Variants in DUSP5 observed in about 807,000 individuals in gnomAD.
DUSP5 encodes dual specificity phosphatase 5.
A neutral mutation model predicts 33.6 loss-of-function variants in DUSP5; 22 were observed. The observed-to-expected ratio is 0.66, with a 90% CI of 0.47 to 0.94. DUSP5 has a LOEUF of 0.94. DUSP5 is among the 40% of genes least tolerant of loss of function. The pLI, the probability that DUSP5 is intolerant of heterozygous loss-of-function variation, is 0.00. For synonymous variants in DUSP5, 270 were observed against 231.1 expected, an observed-to-expected ratio of 1.17 and a Z score of -1.53; for missense variants, 551 against 522.1, an observed-to-expected ratio of 1.06 and a Z score of -0.54.
chr10:110,500,721 G>C (rs1038298442), intron 1 of DUSP5, among the ~76,000 whole-genome samples: 1 of 152,226 alleles, frequency 6.6e-6, no homozygotes, highest in Non-Finnish European at 1.5e-5. Context: ...AAAAGAAGTA[G>C]CTCTAAGAAT....
intron 1 of DUSP5, among the ~76,000 whole-genome samples, chr10:110,502,125 A>T (rs1210337504): frequency 6.6e-6 from 1 of 151,080 alleles, no homozygotes; most frequent in Non-Finnish European, 1.5e-5. Flanking sequence ...AATTAACTGG[A>T]TTGATGACTC....
At position 110,502,777 on chromosome 10, in the gene DUSP5, A is replaced by G. The variant is rs752689048; in HGVS notation, c.436A>G (p.Ile146Val). The G allele has an allele frequency of 1.2e-6, 2 of 1,614,114 alleles. No homozygotes were observed. The highest frequency in any genetic ancestry group is 1.7e-6 in the Non-Finnish European group (2 of 1,180,014). ...YPECCVDVKPISQEKIESERA... is the reference protein window; with the variant it reads ...YPECCVDVKPVSQEKIESERA... Reference sequence around the variant, plus strand: ...TGAGTGTTGCGTGGATGTAAAACCCATTTCACAAGAGAAGATTGAGAGTGA... The same window carrying G: ...TGAGTGTTGCGTGGATGTAAAACCCGTTTCACAAGAGAAGATTGAGAGTGA... The change falls in exon 2 of 4, where the codon ATT (isoleucine) becomes GTT (valine). Residue 146 changes from isoleucine (I) to valine (V), a missense_variant. Ile to Val is a conservative substitution (Grantham distance 29). Transcript: ENST00000369583.
chr10:110,504,318 G>A (rs948968759), intron 2 of DUSP5, among the ~76,000 whole-genome samples: 5 of 152,260 alleles, frequency 3.3e-5, no homozygotes, highest in Non-Finnish European at 4.4e-5. Context: ...ATTTAGAGCA[G>A]CCAGATGAGG....
chr10:110,503,569 C>T (rs1590516785), intron 2 of DUSP5: 1 of 152,146 alleles, frequency 6.6e-6, no homozygotes, highest in Non-Finnish European at 1.5e-5. Flanking sequence ...AAGGGGGTTA[C>T]GTAGCACCAT....
intron 1 of DUSP5, among the ~76,000 whole-genome samples, chr10:110,500,461 T>G (rs576496472): frequency 2.5e-4 from 38 of 152,252 alleles, no homozygotes; most frequent in Non-Finnish European, 5.0e-4. Context: ...CTTTAAATTG[T>G]TGCCAGAGAA....
chr10:110,504,593 G>T (rs1223151399), intron 2 of DUSP5, among the ~76,000 whole-genome samples: 1 of 152,174 alleles, frequency 6.6e-6, no homozygotes, highest in Non-Finnish European at 1.5e-5. Flanking sequence ...CAGTGGCCAC[G>T]TGAATCTGGA....
intron 1 of DUSP5, among the ~76,000 whole-genome samples, chr10:110,500,782 T>C (rs1860037650): frequency 6.6e-6 from 1 of 152,196 alleles, no homozygotes; most frequent in Non-Finnish European, 1.5e-5. Flanking sequence ...ATGTTCTGTC[T>C]CTCCACACCT....
intron 1 of DUSP5, among the ~76,000 whole-genome samples, chr10:110,500,911 A>G (rs1860039191): frequency 6.6e-6 from 1 of 152,224 alleles, no homozygotes; most frequent in African/African-American, 2.4e-5. Context: ...AACAGCATGC[A>G]GGATCCAGCC....
At position 110,510,031 on chromosome 10, in the gene DUSP5, G is replaced by GAA; in HGVS notation, c.763_764dup (p.Gly256ArgfsTer25). 1.3e-6 allele frequency: 2 copies of GAA among 1,598,140 alleles called. No homozygotes were observed. Among genetic ancestry groups the GAA allele is most frequent in the South Asian group, 2.2e-5 (2 of 89,874 alleles). ...TTTCTTCCTTCCAGACTGTGTCAGGGAAAAGGGAGGCAAGGTCCTGGTCCA... is the reference window on the plus strand; with the variant it reads ...TTTCTTCCTTCCAGACTGTGTCAGGGAAAAAAGGGAGGCAAGGTCCTGGTCCA... On this transcript the variant is annotated frameshift_variant, in exon 4 of 4. Coordinates refer to ENST00000369583, the MANE Select transcript of DUSP5 (RefSeq NM_004419.4). LOFTEE classifies it high-confidence loss of function.
intron 1 of DUSP5, among the ~76,000 whole-genome samples, chr10:110,499,385 G>C (rs1860010325): frequency 6.6e-6 from 1 of 152,154 alleles, no homozygotes; most frequent in African/African-American, 2.4e-5. Context: ...CTCCTGCTTT[G>C]TGTTTGAGTC....
At position 110,502,861 on chromosome 10, in the gene DUSP5, T is replaced by A. The variant is rs1046412680; in HGVS notation, c.520T>A (p.Tyr174Asn). 2.6e-5 allele frequency: 42 copies of A among 1,614,036 alleles called. No homozygotes were observed. The highest frequency in any genetic ancestry group is 3.5e-5 in the Non-Finnish European group (41 of 1,180,016). ...PVVNVSYRPA[Y>N]DQGGPVEILP... is the part of the protein sequence containing the mutation. Reference sequence around the variant, plus strand: ...GGTAAATGTCAGCTACAGGCCAGCTTATGACCAGGTACGTGATGTGATGGG... The same window carrying A: ...GGTAAATGTCAGCTACAGGCCAGCTAATGACCAGGTACGTGATGTGATGGG... The change falls in exon 2 of 4, where the codon TAT becomes AAT. Residue 174 changes from tyrosine to asparagine, a missense_variant. Transcript: ENST00000369583.
chr10:110,500,765 G>T (rs1217270492), intron 1 of DUSP5, among the ~76,000 whole-genome samples: 1 of 152,216 alleles, frequency 6.6e-6, no homozygotes, highest in African/African-American at 2.4e-5. Flanking sequence ...TGAGGCACCA[G>T]CGAGGAATGT....
At position 110,511,416 on chromosome 10, in the gene DUSP5, T is replaced by TTC. The variant is rs906516049; in HGVS notation, c.*993_*994dup. ...TTTTTTCTTTTTGTCTGTTAGTTAT[T>TTC]TCTCCAGGGGAAAAGGCAATAATTT... On this transcript the variant is annotated 3_prime_UTR_variant, in exon 4 of 4. Coordinates refer to ENST00000369583, the MANE Select transcript of DUSP5 (RefSeq NM_004419.4). The TTC allele has an allele frequency of 2.6e-5, 4 of 152,654 alleles. No individual in the cohort carries two copies. Among genetic ancestry groups the TTC allele is most frequent in the African/African-American group, 9.6e-5 (4 of 41,456 alleles). 9.5% of individuals were successfully genotyped at this position (152,654 alleles called of 1,614,324 possible).
intron 1 of DUSP5, among the ~76,000 whole-genome samples, chr10:110,499,487 T>C (rs1860012034): frequency 6.6e-6 from 1 of 152,116 alleles, no homozygotes; most frequent in African/African-American, 2.4e-5. Context: ...GTGCCAGCCC[T>C]GGCGCGGACA....
Position 110,506,942 on chromosome 10 carries a change from C to G in DUSP5, c.536C>G (p.Pro179Arg), listed in dbSNP as rs1713261465. 1 of 1,614,234 alleles carries G rather than the reference C, an allele frequency of 6.2e-7. No individual in the cohort carries two copies. The highest frequency in any genetic ancestry group is 8.5e-7 in the Non-Finnish European group (1 of 1,180,024). ...SYRPAYDQGG[P>R]VEILPFLYLG... ...CTTTGTCCCTGCATCCAGGGTGGCC[C>G]AGTTGAAATCCTTCCCTTCCTCTAC... Residue 179 changes from proline (P) to arginine (R), a missense_variant, in exon 3 of 4, where the codon CCA becomes CGA. Around this residue, in one of 3 missense-constraint regions of DUSP5, gnomAD observed 381 missense variants for 310.4 expected, o/e 1.23. Coordinates refer to ENST00000369583, the MANE Select transcript of DUSP5 (RefSeq NM_004419.4).
intron 3 of DUSP5, among the ~76,000 whole-genome samples, chr10:110,507,686 T>C (rs1451014747): frequency 2.0e-5 from 3 of 152,244 alleles, no homozygotes; most frequent in Non-Finnish European, 4.4e-5. Flanking sequence ...CCATGCTGTA[T>C]GCACAGAAAA....
chr10:110,509,569 T>A lies in DUSP5; in HGVS notation c.749-451T>A, dbSNP rs149734474. The stretch of plus-strand genomic sequence containing the variant: ...AAGAGTTGCTTCTCCAAGTCAGTCT[T>A]TGAGCCTGGGATGCTCTCCTTAGAA... On this transcript the variant is annotated intron_variant, in intron 3 of 3. Transcript: ENST00000369583. Among the ~76,000 whole-genome samples the A allele has an allele frequency of 1.8e-4, 28 of 152,298 alleles. No homozygotes were observed. In the East Asian group the frequency reaches 4.6e-3, roughly 25 times the overall value.
intron 3 of DUSP5, among the ~76,000 whole-genome samples, chr10:110,509,163 C>T (rs982540227): frequency 2.6e-5 from 4 of 152,198 alleles, no homozygotes; most frequent in Non-Finnish European, 5.9e-5. Context: ...CCTTTCACCC[C>T]TTCCCATTTT....
intron 1 of DUSP5, 142 bp downstream of exon 1, chr10:110,498,642 G>C: frequency 8.0e-7 from 1 of 1,247,554 alleles, no homozygotes; most frequent in Middle Eastern, 3.1e-4. Flanking sequence ...TGTGCGCTTG[G>C]GAGGGCACTG....
Sources: allele counts gnomAD v4.1 joint callset (sites outside exome capture counted in the v4.1 genomes callset), GRCh38; gene constraint gnomAD v4.1.1; regional missense constraint gnomAD v4.1.1; transcripts MANE v1.5; gene names NCBI Gene and HGNC (gene_info 2026-07-23, HGNC 2026-07-21).